The following CDH2 variants were observed in gnomAD, a reference collection of about 807,000 sequenced individuals.
CDH2 encodes cadherin-2.
In CDH2, 17 loss-of-function variants were observed where a neutral mutation model predicts 92.0. That is an observed-to-expected ratio of 0.18 (90% CI 0.13 to 0.28). CDH2 has a LOEUF of 0.28. Ranked by LOEUF, CDH2 falls within the 10% of genes least tolerant of loss-of-function variation. The pLI is 1.00. For synonymous variants in CDH2, 419 were observed against 415.9 expected (o/e 1.01, Z -0.09); for missense variants, 862 against 1,133.1 (o/e 0.76, Z 3.44).
Position 28,073,855 on chromosome 18 carries a change from A to C in CDH2, c.173-59946T>G, listed in dbSNP as rs11873591. 1.7e-3 allele frequency among the ~76,000 whole-genome samples: 262 copies of C among 152,284 alleles called. 2 individuals are homozygous for C. Among genetic ancestry groups the C allele is most frequent in the African/African-American group, 5.9e-3 (247 of 41,572 alleles). On this transcript the variant is annotated intron_variant, in intron 2 of 15. Transcript: ENST00000269141. ...GGTCCACTAGCCTTATCTGCAAAAA[A>C]GTGTTAACCAGACAACCTTGCTCCT...
intron 2 of CDH2, among the ~76,000 whole-genome samples, chr18:28,073,395 A>G (rs1030781309): frequency 1.3e-5 from 2 of 152,188 alleles, no homozygotes; most frequent in African/African-American, 2.4e-5. Context: ...TAAAAAATCA[A>G]TATAAAGATA....
intron 2 of CDH2, among the ~76,000 whole-genome samples, chr18:28,125,425 T>G (rs2015661011): frequency 6.6e-6 from 1 of 152,144 alleles, no homozygotes; most frequent in African/African-American, 2.4e-5. Context: ...AAAAAAAATT[T>G]TTTTTTCAAA....
At chr18:28,033,197 A>T (rs2013741657) in intron 2 of CDH2, among the ~76,000 whole-genome samples, 2 of 152,104 alleles carry the variant, frequency 1.3e-5, no homozygotes, top group African/African-American at 4.8e-5. Flanking sequence ...CAATATGTAG[A>T]GAAAGGGTGG....
intron 2 of CDH2, chr18:28,036,484 T>TA (rs1431414717): frequency 6.3e-7 from 1 of 1,578,536 alleles, no homozygotes. Context: ...AAGGAAAACA[T>TA]ACAATTCTGC....
At chr18:28,005,148 G>C (rs1404369434) in intron 6 of CDH2, among the ~76,000 whole-genome samples, 1 of 152,104 alleles carries the variant, frequency 6.6e-6, no homozygotes, top group Non-Finnish European at 1.5e-5. Flanking sequence ...TTTTCTAGCG[G>C]CCTGGCTTTT....
intron 5 of CDH2, among the ~76,000 whole-genome samples, chr18:28,006,211 A>G (rs2012912845): frequency 6.6e-6 from 1 of 152,198 alleles, no homozygotes; most frequent in Non-Finnish European, 1.5e-5. Flanking sequence ...TTGTTCTCAG[A>G]GCACAATGGA....
intron 10 of CDH2, 136 bp downstream of exon 10, chr18:27,989,961 A>G (rs1339583933): frequency 2.8e-6 from 2 of 708,534 alleles, no homozygotes; most frequent in African/African-American, 3.6e-5. Flanking sequence ...AGAAAATTCA[A>G]AGAATTTTAA....
chr18:28,085,412 C>A (rs1039770869), intron 2 of CDH2, among the ~76,000 whole-genome samples: 1 of 152,120 alleles, frequency 6.6e-6, no homozygotes, highest in African/African-American at 2.4e-5. Context: ...ACCTGCTCCT[C>A]TGCACACGCG....
At chr18:28,042,324 G>A (rs1232686901) in intron 2 of CDH2, among the ~76,000 whole-genome samples, 3 of 152,002 alleles carry the variant, frequency 2.0e-5, no homozygotes, top group Non-Finnish European at 4.4e-5. Context: ...AAGTTCTTTG[G>A]TAATTGCGTT....
At chr18:27,972,145 C>T (rs2011678766) in intron 14 of CDH2, among the ~76,000 whole-genome samples, 1 of 152,118 alleles carries the variant, frequency 6.6e-6, no homozygotes, top group African/African-American at 2.4e-5. Flanking sequence ...GATTTAGCTC[C>T]AGACTGTATA....
intron 1 of CDH2, among the ~76,000 whole-genome samples, chr18:28,164,003 G>A (rs1015847): frequency 0.84 from 128,292 of 152,198 alleles, 54,175 homozygotes; most frequent in African/African-American, 0.87. Context: ...CCAGGCTGGT[G>A]GTTACATGGA....
intron 2 of CDH2, among the ~76,000 whole-genome samples, chr18:28,135,489 T>C (rs1390302534): frequency 6.6e-6 from 1 of 152,232 alleles, no homozygotes; most frequent in African/African-American, 2.4e-5. Context: ...ATTCACACTC[T>C]CTACTAATCT....
At chr18:27,936,061 A>G (rs1011508877) in intron 6 of CDH2, among the ~76,000 whole-genome samples, 2 of 152,138 alleles carry the variant, frequency 1.3e-5, no homozygotes, top group African/African-American at 2.4e-5. Context: ...GTTTGGTTTT[A>G]TGTTTTTCAT....
downstream of CDH2, among the ~76,000 whole-genome samples, chr18:27,946,547 A>C (rs1026744077): frequency 6.6e-6 from 1 of 152,014 alleles, no homozygotes; most frequent in African/African-American, 2.4e-5. Flanking sequence ...CCTATCCCCA[A>C]AATGATAAAA....
Position 28,033,479 on chromosome 18 carries a change from C to CTGTGTG in CDH2, c.173-19576_173-19571dup, listed in dbSNP as rs542397743. 4.9e-4 allele frequency among the ~76,000 whole-genome samples: 74 copies of CTGTGTG among 151,536 alleles called. 3 individuals are homozygous for CTGTGTG. The South Asian group carries it at 0.015, about 30-fold the overall frequency. On this transcript the variant is annotated intron_variant, in intron 2 of 15. Transcript: ENST00000269141. ...AATTGGTTCACTGAATTTAGGTGCT[C>CTGTGTG]TGTGTGTGTGTGTATGTGTATGTAT...
intron 14 of CDH2, among the ~76,000 whole-genome samples, chr18:27,972,564 C>T (rs546541652): frequency 2.6e-5 from 4 of 152,262 alleles, no homozygotes; most frequent in Non-Finnish European, 5.9e-5. Flanking sequence ...TGCAACAATG[C>T]TAGCATTTAT....
At chr18:28,098,368 A>T (rs9950633) in intron 2 of CDH2, among the ~76,000 whole-genome samples, 6,854 of 152,152 alleles carry the variant, frequency 0.045, 177 homozygotes, top group South Asian at 0.082. Flanking sequence ...AAAACACTGA[A>T]TTTGTAAAGG....
At chr18:28,070,493 T>C (rs17468650) in intron 2 of CDH2, among the ~76,000 whole-genome samples, 3,673 of 152,268 alleles carry the variant, frequency 0.024, 61 homozygotes, top group East Asian at 0.052. Context: ...AGCATGAGAC[T>C]ATAATCGACC....
intron 1 of CDH2, among the ~76,000 whole-genome samples, chr18:28,152,867 G>A (rs1297485997): frequency 6.6e-6 from 1 of 152,148 alleles, no homozygotes; most frequent in African/African-American, 2.4e-5. Flanking sequence ...GAATGAAAAA[G>A]GGGCAGATTT....
Sources: gnomAD v4.1 joint callset for allele counts (sites outside exome capture counted in the v4.1 genomes callset) on GRCh38, gnomAD v4.1.1 for gene constraint, MANE v1.5 for transcripts, NCBI Gene and HGNC (gene_info 2026-07-23, HGNC 2026-07-21) for gene names.